Variants in SPATA6L observed in about 807,000 individuals in gnomAD.
The protein encoded by SPATA6L is spermatogenesis associated 6-like protein.
Under a neutral mutation model 49.2 loss-of-function variants are expected in SPATA6L, and 68 were observed. The ratio of observed to expected loss-of-function variants is 1.38; its 90% CI spans 1.14 to 1.69. SPATA6L has a LOEUF of 1.69. Ranked by LOEUF, SPATA6L falls within the 40% of genes most tolerant of loss-of-function variation. The probability of loss-of-function intolerance (pLI) is 0.00; values close to 1 mark genes in which losing one functional copy is unlikely to be tolerated. For missense variants in SPATA6L, 668 were observed against 464.3 expected, an observed-to-expected ratio of 1.44 and a Z score of -4.03; for synonymous variants, 198 against 165.7, an observed-to-expected ratio of 1.19 and a Z score of -1.50.
chr9:4,656,162 G>A, intron 2 of SPATA6L, 73 bp from the exon 3 acceptor site: 1 of 1,271,162 alleles, frequency 7.9e-7, no homozygotes, highest in African/African-American at 1.5e-5. Context: ...GTAAATGCCA[G>A]GTGCAGTAGC....
In SPATA6L at chr9:4,662,412, C is replaced by T. The variant is rs989171683; in HGVS notation, c.40-376G>A. On this transcript the variant is annotated intron_variant, in intron 1 of 11. Transcript: ENST00000682582. The surrounding 1 kb of genome is among the most constrained non-coding windows in gnomAD (Gnocchi z 4.9). ...CCGGAGGAGCATGGAGGGACGGCCG[C>T]TGGGCGTCTCCGCTTCGAGCAGCAG... 9.8e-6 allele frequency: 15 copies of T among 1,537,026 alleles called. No homozygotes were observed. Among genetic ancestry groups the T allele is most frequent in the African/African-American group, 9.6e-5 (7 of 72,908 alleles).
At chr9:4,598,116 C>G (rs3780410), downstream of SPATA6L, among the ~76,000 whole-genome samples, 14,091 of 152,118 alleles carry the variant, frequency 0.093, 1,355 homozygotes, top group African/African-American at 0.24. Flanking sequence ...TTGGGTCAGT[C>G]AGGTGACCAC....
At chr9:4,624,787 C>G (rs1308647514) in intron 6 of SPATA6L, among the ~76,000 whole-genome samples, 2 of 151,756 alleles carry the variant, frequency 1.3e-5, no homozygotes, top group African/African-American at 4.8e-5. Flanking sequence ...CTAAATTTGC[C>G]TACCACTACC....
intron 3 of SPATA6L, among the ~76,000 whole-genome samples, chr9:4,641,798 G>T (rs1438440791): frequency 6.6e-6 from 1 of 152,104 alleles, no homozygotes; most frequent in Non-Finnish European, 1.5e-5. Context: ...GTTGAGACAG[G>T]GTCTCACTCT....
chr9:4,618,854 C>G lies in SPATA6L; in HGVS notation c.807+10G>C. ...GTAAATCATTTTACAAATTCTACTT[C>G]TAAAATTACCTTTACGTTAGCTGCA... On this transcript the variant is annotated intron_variant, in intron 8 of 11. Transcript: ENST00000682582. The G allele has an allele frequency of 6.2e-7, 1 of 1,610,352 alleles. No individual in the cohort carries two copies. Among genetic ancestry groups the G allele is most frequent in the Non-Finnish European group, 8.5e-7 (1 of 1,177,620 alleles).
chr9:4,602,169 C>T (rs1823483249), intron 11 of SPATA6L, among the ~76,000 whole-genome samples: 1 of 151,622 alleles, frequency 6.6e-6, no homozygotes, highest in East Asian at 1.9e-4. Context: ...TACCTTCTCT[C>T]TATCCCCCCA....
chr9:4,625,347 G>C lies in SPATA6L; in HGVS notation c.649C>G (p.Pro217Ala). 1 of 1,613,448 alleles carries C rather than the reference G, an allele frequency of 6.2e-7. No individual in the cohort carries two copies. The highest frequency in any genetic ancestry group is 8.5e-7 in the Non-Finnish European group (1 of 1,179,740). ...CTCACGTGTCTAACAACAAATGGAG[G>C]CTTGCTTCCTCCAGAGATTTTGAAA... The part of the protein sequence containing the change: ...NNFKISGGSK[P>A]PFVVRHVDSA... Residue 217 changes from proline (P) to alanine (A), a missense_variant, in exon 6 of 12, where the codon CCT becomes GCT. Coordinates refer to ENST00000682582, the MANE Select transcript of SPATA6L (RefSeq NM_001353486.2).
At chr9:4,611,323 A>ATGC (rs1826655811) in intron 9 of SPATA6L, among the ~76,000 whole-genome samples, 1 of 148,298 alleles carries the variant, frequency 6.7e-6, no homozygotes, top group Non-Finnish European at 1.5e-5. Flanking sequence ...ACTATAAATC[A>ATGC]TGCTGCTATA....
intron 3 of SPATA6L, among the ~76,000 whole-genome samples, chr9:4,654,302 C>T (rs1165650940): frequency 6.6e-6 from 1 of 152,210 alleles, no homozygotes; most frequent in Non-Finnish European, 1.5e-5. Flanking sequence ...CCTTTGTCCC[C>T]CTCTCAGGAC....
intron 4 of SPATA6L, among the ~76,000 whole-genome samples, chr9:4,630,069 T>C (rs1831213061): frequency 6.6e-6 from 1 of 151,938 alleles, no homozygotes; most frequent in African/African-American, 2.4e-5. Context: ...TTACAGACTG[T>C]ATGATTCCAT....
At chr9:4,641,903 G>T (rs1408580914) in intron 3 of SPATA6L, among the ~76,000 whole-genome samples, 1 of 152,150 alleles carries the variant, frequency 6.6e-6, no homozygotes, top group Non-Finnish European at 1.5e-5. Context: ...AAGTAGCTGG[G>T]ACTACAGGCA....
rs144188674 is a variant in SPATA6L, at chr9:4,631,255, G to C, written c.352-2087C>G. ...TACCAATGGAACGATGGTGATAATGGTTGGTCAATAAAAGGATTTAACATA... is the reference window on the plus strand; with the variant it reads ...TACCAATGGAACGATGGTGATAATGCTTGGTCAATAAAAGGATTTAACATA... On this transcript the variant is annotated intron_variant, in intron 4 of 11. Transcript: ENST00000682582. Among the ~76,000 whole-genome samples, 300 of 152,178 alleles carry C rather than the reference G, an allele frequency of 2.0e-3. 1 individual carries two copies. Among genetic ancestry groups the C allele is most frequent in the African/African-American group, 6.9e-3 (286 of 41,526 alleles).
rs780197789 is a variant in SPATA6L at position 4,662,636 on chromosome 9, C to G, written c.40-600G>C. 45 of 1,598,360 alleles carry G rather than the reference C, an allele frequency of 2.8e-5. No homozygotes were observed. Among genetic ancestry groups the G allele is most frequent in the Admixed American group, 2.5e-4 (15 of 59,918 alleles). On this transcript the variant is annotated intron_variant, in intron 1 of 11. Coordinates refer to ENST00000682582, the MANE Select transcript of SPATA6L (RefSeq NM_001353486.2). This position sits in a 1 kb window ranked among gnomAD's most constrained non-coding sequence, Gnocchi z 4.9. ...CGCAGTCGCCCGCGCCTCCGCTGCC[C>G]GAGGAGGACCGCATGGACTTGAACC...
At chr9:4,623,173 T>C (rs1337356918) in intron 6 of SPATA6L, among the ~76,000 whole-genome samples, 5 of 152,026 alleles carry the variant, frequency 3.3e-5, no homozygotes, top group African/African-American at 1.2e-4. Context: ...CCAGCTACTC[T>C]GGAGGCTGAG....
Position 4,606,787 on chromosome 9 carries a change from G to A in SPATA6L, c.996-1347C>T, listed in dbSNP as rs1179377927. 2.0e-5 allele frequency among the ~76,000 whole-genome samples: 3 copies of A among 148,254 alleles called. No homozygotes were observed. In the Admixed American group the frequency reaches 2.0e-4, roughly 10 times the overall value. Reference sequence around the variant, plus strand: ...TCCTCACCAGCAATGGAACAAAGCTGGACGGAGAACGACTTCGACGAGCTG... The same window carrying A: ...TCCTCACCAGCAATGGAACAAAGCTAGACGGAGAACGACTTCGACGAGCTG... On this transcript the variant is annotated intron_variant, in intron 9 of 11. Transcript: ENST00000682582.
chr9:4,652,335 T>C (rs1837097830), intron 3 of SPATA6L, among the ~76,000 whole-genome samples: 1 of 151,672 alleles, frequency 6.6e-6, no homozygotes, highest in African/African-American at 2.4e-5. Flanking sequence ...GGCAGGAGAA[T>C]TGCTTGAATG....
rs1004912016 is a variant in SPATA6L, at chr9:4,599,235, A to G, written c.*1576T>C. Among the ~76,000 whole-genome samples, 5 of 152,338 alleles carry G rather than the reference A, an allele frequency of 3.3e-5. No homozygotes were observed. The highest frequency in any genetic ancestry group is 3.9e-4 in the East Asian group (2 of 5,188). ...CTTATGGTGTTATATTGGTGCTCAA[A>G]AAGTTTTGGATTTTGGAGCATTTCA... is the stretch of plus-strand genomic sequence containing the variant. On this transcript the variant is annotated 3_prime_UTR_variant, in exon 12 of 12. Transcript: ENST00000682582.
chr9:4,644,159 C>T (rs1036407581), intron 3 of SPATA6L, among the ~76,000 whole-genome samples: 2 of 119,982 alleles, frequency 1.7e-5, no homozygotes, highest in African/African-American at 3.3e-5. Context: ...CCAGCCTAGG[C>T]AACATAGTAA....
chr9:4,647,384 G>T (rs1465233060), intron 3 of SPATA6L, among the ~76,000 whole-genome samples: 1 of 152,128 alleles, frequency 6.6e-6, no homozygotes, highest in Non-Finnish European at 1.5e-5. Context: ...CTGACGTCAG[G>T]AGTTCGAGAC....
Sources: allele counts gnomAD v4.1 joint callset (sites outside exome capture counted in the v4.1 genomes callset), GRCh38; gene constraint gnomAD v4.1.1; non-coding constraint Gnocchi (gnomAD v3.1); transcripts MANE v1.5; gene names NCBI Gene and HGNC (gene_info 2026-07-23, HGNC 2026-07-21).